The following TRAK2 variants were observed in gnomAD, a reference collection of about 807,000 sequenced individuals.
TRAK2 encodes trafficking kinesin-binding protein 2.
In TRAK2, 81 loss-of-function variants were observed where a neutral mutation model predicts 104.6. That is an observed-to-expected ratio of 0.77 (90% CI 0.65 to 0.93). The LOEUF is 0.93. Ranked by LOEUF, TRAK2 falls within the 40% of genes least tolerant of loss-of-function variation. TRAK2 has a pLI of 0.00. For missense variants in TRAK2, 1,002 were observed against 1,089.0 expected (o/e 0.92, Z 1.12); for synonymous variants, 406 against 394.4 (o/e 1.03, Z -0.35).
chr2:201,382,687 T>C (rs1417271759), intron 15 of TRAK2, among the ~76,000 whole-genome samples: 1 of 152,208 alleles, frequency 6.6e-6, no homozygotes, highest in African/African-American at 2.4e-5. Flanking sequence ...ATTTTTTTTG[T>C]TACAGACTTT....
At chr2:201,424,975 A>T (rs1396492694) in intron 1 of TRAK2, among the ~76,000 whole-genome samples, 1 of 152,228 alleles carries the variant, frequency 6.6e-6, no homozygotes, top group Non-Finnish European at 1.5e-5. Flanking sequence ...TGGAAGGCAA[A>T]GAATAATATT....
Position 201,386,498 on chromosome 2 carries a change from A to G in TRAK2, c.1697-14T>C. The G allele has an allele frequency of 6.2e-7, 1 of 1,611,240 alleles. No individual in the cohort carries two copies. The highest frequency in any genetic ancestry group is 8.5e-7 in the Non-Finnish European group (1 of 1,177,624). On this transcript the variant is annotated splice_polypyrimidine_tract_variant and intron_variant, in intron 13 of 15. Transcript: ENST00000332624. ...GAGTTTGTGATCCTGAATATGCAAAACAAAGGAAGGGGAAAGGCATGTTTT... is the reference window on the plus strand; with the variant it reads ...GAGTTTGTGATCCTGAATATGCAAAGCAAAGGAAGGGGAAAGGCATGTTTT...
intron 1 of TRAK2, among the ~76,000 whole-genome samples, chr2:201,442,884 G>T (rs1262999758): frequency 6.6e-6 from 1 of 152,188 alleles, no homozygotes; most frequent in East Asian, 1.9e-4. Context: ...AAAGGAGAGA[G>T]AAACTTACTT....
chr2:201,409,756 A>T (rs1951627900), intron 2 of TRAK2, among the ~76,000 whole-genome samples: 1 of 152,242 alleles, frequency 6.6e-6, no homozygotes, highest in African/African-American at 2.4e-5. Context: ...CTGTCATCTT[A>T]AATGCAAGCA....
At chr2:201,397,675 A>G in intron 6 of TRAK2, 95 bp from the exon 7 acceptor site, 4 of 911,668 alleles carry the variant, frequency 4.4e-6, no homozygotes, top group Non-Finnish European at 6.8e-6. Context: ...ACTAAATTTC[A>G]TCACTTACAA....
In TRAK2 at chr2:201,440,082, TA is replaced by T. The variant is rs541956654; in HGVS notation, c.-200+11267del. Among the ~76,000 whole-genome samples the T allele has an allele frequency of 6.8e-3, 960 of 141,206 alleles. 9 individuals carry two copies. The highest frequency in any genetic ancestry group is 0.016 in the African/African-American group (603 of 38,598). 92.6% of individuals were successfully genotyped at this position (141,206 alleles called of 152,430 possible). ...ACATGTACCCTAAAACTTAAAGTATTAAAAAAAAAAAGTGCCTCTTAAAGAA... is the reference window on the plus strand; with the variant it reads ...ACATGTACCCTAAAACTTAAAGTATTAAAAAAAAAAGTGCCTCTTAAAGAA... On this transcript the variant is annotated intron_variant, in intron 1 of 15. Coordinates refer to ENST00000332624, the MANE Select transcript of TRAK2 (RefSeq NM_015049.3).
At position 201,413,016 on chromosome 2, in the gene TRAK2, G is replaced by A. The variant is rs1321496122; in HGVS notation, c.92-5419C>T. 2.4e-5 allele frequency: 19 copies of A among 778,076 alleles called. No homozygotes were observed. The East Asian group carries it at 2.9e-4, about 12-fold the overall frequency. The allele number at this position is 778,076 out of a possible 1,614,324, so 48.2% of individuals were successfully genotyped here. A position where few individuals can be genotyped will look rare whatever the true frequency, so the allele number is the denominator to read the frequency against. On this transcript the variant is annotated intron_variant, in intron 2 of 15. Coordinates refer to ENST00000332624, the MANE Select transcript of TRAK2 (RefSeq NM_015049.3). ...AAAGAATGCTGGACAGTAAGAAGTC[G>A]AGGGTGTTGAAGTCGAGTTAAGTGT...
At chr2:201,440,956 T>G (rs892540971) in intron 1 of TRAK2, among the ~76,000 whole-genome samples, 6 of 152,240 alleles carry the variant, frequency 3.9e-5, no homozygotes, top group Non-Finnish European at 5.9e-5. Context: ...ACCTTATTTT[T>G]GTTATGTCCA....
chr2:201,389,485 T>C lies in TRAK2; in HGVS notation c.1212A>G (p.Val404=). The change falls in exon 12 of 16, where the codon GTA becomes GTG. Residue 404 remains valine (V), a synonymous_variant. Transcript: ENST00000332624. ...LFKQKAQQKR[V]FDTVRIANDT... ...CATTGGCAATCCTGACGGTATCAAA[T>C]ACCCGCTTCTGTTGGGCTCTGTCAA... The C allele has an allele frequency of 6.2e-7, 1 of 1,614,058 alleles. No homozygotes were observed. The highest frequency in any genetic ancestry group is 2.2e-5 in the East Asian group (1 of 44,886).
In TRAK2 at chr2:201,424,604, G is replaced by GT. The variant is rs550448300; in HGVS notation, c.-199-3899dup. Among the ~76,000 whole-genome samples the GT allele has an allele frequency of 8.4e-3, 1,214 of 144,384 alleles. 7 individuals carry two copies. The highest frequency in any genetic ancestry group is 0.01 in the Non-Finnish European group (659 of 65,296). The allele number at this position is 144,384 out of a possible 152,430, so 94.7% of individuals were successfully genotyped here. A position where few individuals can be genotyped will look rare whatever the true frequency, so the allele number is the denominator to read the frequency against. The stretch of plus-strand genomic sequence containing the variant: ...CTGTTTTTTTTGTTCGTTTGTTTTT[G>GT]TTTTTTTTTTGTTTTTGAGACAGAG... On this transcript the variant is annotated intron_variant, in intron 1 of 15. Coordinates refer to ENST00000332624, the MANE Select transcript of TRAK2 (RefSeq NM_015049.3).
chr2:201,429,574 T>G (rs565672818), intron 1 of TRAK2, among the ~76,000 whole-genome samples: 2 of 152,324 alleles, frequency 1.3e-5, no homozygotes, highest in Non-Finnish European at 2.9e-5. Context: ...TTTACTCTTT[T>G]TTCTCTAAAC....
At chr2:201,432,253 C>G (rs1951848222) in intron 1 of TRAK2, among the ~76,000 whole-genome samples, 1 of 152,114 alleles carries the variant, frequency 6.6e-6, no homozygotes, top group Admixed American at 6.6e-5. Flanking sequence ...ATGAATAAAC[C>G]AAAAGCTTAC....
chr2:201,449,122 G>A (rs754185356), intron 1 of TRAK2, among the ~76,000 whole-genome samples: 8 of 151,346 alleles, frequency 5.3e-5, no homozygotes, highest in Non-Finnish European at 1.2e-4. Flanking sequence ...GAGCAGTTCA[G>A]TAAGAAATGG....
In TRAK2 at chr2:201,381,050, T is replaced by C. The variant is rs200147089; in HGVS notation, c.2238A>G (p.Gln746=). 2 of 1,614,116 alleles carry C rather than the reference T, an allele frequency of 1.2e-6. No homozygotes were observed. The highest frequency in any genetic ancestry group is 4.5e-5 in the East Asian group (2 of 44,882). ...SSTMSLAKLL[Q]ERGISAKVYH... ...ACACTTTGGCAGAGATGCCTCGCTCTTGTAGAAGTTTGGCCAAGCTCATGG... is the reference window on the plus strand; with the variant it reads ...ACACTTTGGCAGAGATGCCTCGCTCCTGTAGAAGTTTGGCCAAGCTCATGG... The change falls in exon 16 of 16, where the codon CAA becomes CAG. Residue 746 remains glutamine, a synonymous_variant. Transcript: ENST00000332624.
intron 12 of TRAK2, chr2:201,388,217 T>C: frequency 1.8e-6 from 1 of 561,634 alleles, no homozygotes. Context: ...AAAGGCAAGA[T>C]AATACTTTAT....
Position 201,398,198 on chromosome 2 carries a change from G to A in TRAK2, c.637C>T (p.Leu213=), listed in dbSNP as rs1951519331. Residue 213 remains leucine (L), a synonymous_variant, in exon 6 of 16, where the codon CTG becomes TTG. Coordinates refer to ENST00000332624, the MANE Select transcript of TRAK2 (RefSeq NM_015049.3). ...LSQGLLQLEM[L]QEKLKELEEE... is the part of the protein sequence containing the mutation. Reference sequence around the variant, plus strand: ...TCCAGTTCCTTGAGCTTTTCTTGCAGCATTTCCAACTGCAGCAACCCTTGA... The same window carrying A: ...TCCAGTTCCTTGAGCTTTTCTTGCAACATTTCCAACTGCAGCAACCCTTGA... 8 of 1,613,614 alleles carry A rather than the reference G, an allele frequency of 5.0e-6. No individual in the cohort carries two copies. Among genetic ancestry groups the A allele is most frequent in the African/African-American group, 2.7e-5 (2 of 74,892 alleles).
At chr2:201,400,958 G>T in intron 4 of TRAK2, 60 bp downstream of exon 4, 1 of 1,359,098 alleles carries the variant, frequency 7.4e-7, no homozygotes, top group South Asian at 1.2e-5. Flanking sequence ...AAATTTGATA[G>T]ATTCCAAATG....
chr2:201,388,727 G>A (rs2041743), intron 12 of TRAK2, among the ~76,000 whole-genome samples: 148,833 of 152,298 alleles, frequency 0.98, 72,809 homozygotes, highest in East Asian at 1. Context: ...ATAATTGTGT[G>A]ACAGTGAGGC....
chr2:201,403,669 G>C (rs1951568345), intron 3 of TRAK2, among the ~76,000 whole-genome samples: 1 of 151,610 alleles, frequency 6.6e-6, no homozygotes. Flanking sequence ...GTTATCTCTG[G>C]GTAAGGACTA....
Sources: allele counts gnomAD v4.1 joint callset (sites outside exome capture counted in the v4.1 genomes callset), GRCh38; gene constraint gnomAD v4.1.1; transcripts MANE v1.5; gene names NCBI Gene and HGNC (gene_info 2026-07-23, HGNC 2026-07-21).